Variants in SLC26A3 observed in about 807,000 individuals in gnomAD.
SLC26A3 encodes chloride anion exchanger.
SLC26A3 carries 64 observed loss-of-function variants against 85.6 expected under a neutral mutation model. That is an observed-to-expected ratio of 0.75 (90% CI 0.61 to 0.92). The LOEUF is 0.92. Among genes scored for constraint, SLC26A3 ranks in the 40% least tolerant of loss-of-function variants. SLC26A3 has a pLI of 0.00. For missense variants in SLC26A3, 922 were observed against 927.3 expected (o/e 0.99, Z 0.07); for synonymous variants, 349 against 336.0 (o/e 1.04, Z -0.42).
Position 107,778,198 on chromosome 7 carries a change from T to A in SLC26A3, c.1491A>T (p.Leu497=). Residue 497 remains leucine (L), a synonymous_variant, in exon 13 of 21, where the codon CTA becomes CTT. Coordinates refer to ENST00000340010, the MANE Select transcript of SLC26A3 (RefSeq NM_000111.3). Reference sequence around the variant, plus strand: ...ACAATTGGGTCCTGAACACGATGGTTAGCAGTTGAAATGCCACACTAGCTG... The same window carrying A: ...ACAATTGGGTCCTGAACACGATGGTAAGCAGTTGAAATGCCACACTAGCTG... The part of the protein sequence containing the change: ...GLAASVAFQL[L]TIVFRTQFPK... 1 of 1,613,616 alleles carries A rather than the reference T, an allele frequency of 6.2e-7. No homozygotes were observed. The highest frequency in any genetic ancestry group is 8.5e-7 in the Non-Finnish European group (1 of 1,179,618).
intron 1 of SLC26A3, among the ~76,000 whole-genome samples, chr7:107,797,127 A>G (rs4730261): frequency 0.51 from 77,581 of 152,002 alleles, 20,657 homozygotes; most frequent in African/African-American, 0.65. Flanking sequence ...CTGTCCTGCC[A>G]GTAAAAGCCT....
At chr7:107,795,377 C>G (rs937299881) in intron 1 of SLC26A3, among the ~76,000 whole-genome samples, 1 of 152,136 alleles carries the variant, frequency 6.6e-6, no homozygotes, top group Non-Finnish European at 1.5e-5. Context: ...ATTTTTTACA[C>G]AAAATGTTTA....
At position 107,797,739 on chromosome 7, in the gene SLC26A3, C is replaced by CATTTTTTTTTTTTTTTTTTTT. The variant is rs781396459; in HGVS notation, c.-88-3143_-88-3142insAAAAAAAAAAAAAAAAAAAAT. ...TCATTTCTGAGATTCTTGAGCAGGA[C>CATTTTTTTTTTTTTTTTTTTT]CTTTTTTTTTTGAGACGGAGTCTTG... On this transcript the variant is annotated intron_variant, in intron 1 of 20. Transcript: ENST00000340010. Among the ~76,000 whole-genome samples the CATTTTTTTTTTTTTTTTTTTT allele has an allele frequency of 2.8e-4, 20 of 70,514 alleles. 1 individual carries two copies. The highest frequency in any genetic ancestry group is 1.4e-3 in the African/African-American group (17 of 12,000). 46.3% of individuals were successfully genotyped at this position (70,514 alleles called of 152,430 possible).
chr7:107,788,488 T>A (rs1032348869), intron 6 of SLC26A3, among the ~76,000 whole-genome samples: 1 of 152,156 alleles, frequency 6.6e-6, no homozygotes, highest in African/African-American at 2.4e-5. Flanking sequence ...TCTAAAAGAA[T>A]GAGACATGCT....
chr7:107,769,201 A>G (rs1188741388), intron 18 of SLC26A3, among the ~76,000 whole-genome samples: 1 of 152,162 alleles, frequency 6.6e-6, no homozygotes, highest in Non-Finnish European at 1.5e-5. Context: ...CAAAAATACC[A>G]TTTGACCCAG....
intron 20 of SLC26A3, among the ~76,000 whole-genome samples, chr7:107,767,164 T>C (rs927487301): frequency 6.6e-6 from 1 of 152,140 alleles, no homozygotes; most frequent in African/African-American, 2.4e-5. Context: ...GGCACTGTGC[T>C]AGGGACTTCT....
intron 1 of SLC26A3, among the ~76,000 whole-genome samples, chr7:107,796,872 C>T (rs1794511464): frequency 6.6e-6 from 1 of 151,868 alleles, no homozygotes; most frequent in African/African-American, 2.4e-5. Context: ...TCTTTGCTTG[C>T]TTTACTCATG....
chr7:107,791,726 C>T (rs1794405705), intron 4 of SLC26A3, 104 bp downstream of exon 4: 1 of 792,542 alleles, frequency 1.3e-6, no homozygotes, highest in Non-Finnish European at 2.2e-6. Flanking sequence ...GACCATGACT[C>T]TTCTCCTGGA....
chr7:107,773,802 C>T (rs578023199), intron 17 of SLC26A3, 118 bp downstream of exon 17: 17 of 838,704 alleles, frequency 2.0e-5, no homozygotes, highest in African/African-American at 1.0e-4. Flanking sequence ...CCACCCACCT[C>T]GGCCTCCCAA....
rs750975910 is a variant in SLC26A3, at chr7:107,767,795, A to T, written c.2176T>A (p.Tyr726Asn). The change falls in exon 19 of 21, where the codon TAC becomes AAC. Residue 726 changes from tyrosine (Y) to asparagine (N), a missense_variant. Physicochemically the swap from Tyr to Asn is moderately radical, Grantham distance 143 (BLOSUM62 -2). Coordinates refer to ENST00000340010, the MANE Select transcript of SLC26A3 (RefSeq NM_000111.3). ...AVLHILMKKD[Y>N]STSKFNPSQE... ...CTGGGATTAAACTTTGAAGTACTGT[A>T]ATCTTTCTTCATCAAAATATGCAAA... 5.6e-6 allele frequency: 9 copies of T among 1,613,898 alleles called. No individual in the cohort carries two copies. In the Admixed American group the frequency reaches 1.3e-4, roughly 24 times the overall value.
At chr7:107,790,101 G>A (rs1332347218) in intron 5 of SLC26A3, among the ~76,000 whole-genome samples, 5 of 152,236 alleles carry the variant, frequency 3.3e-5, no homozygotes, top group East Asian at 1.9e-4. Context: ...ACGCATGAGC[G>A]AGTGTCTATC....
intron 1 of SLC26A3, among the ~76,000 whole-genome samples, chr7:107,797,715 C>A (rs1046985944): frequency 7.0e-6 from 1 of 142,276 alleles, no homozygotes; most frequent in Non-Finnish European, 1.5e-5. Flanking sequence ...TCCATGTCAT[C>A]ATTTCTGAGA....
intron 13 of SLC26A3, among the ~76,000 whole-genome samples, chr7:107,777,134 G>A (rs1051554782): frequency 6.6e-6 from 1 of 152,118 alleles, no homozygotes; most frequent in Non-Finnish European, 1.5e-5. Flanking sequence ...GAAAGAGTTC[G>A]GGAGTATTTC....
intron 5 of SLC26A3, among the ~76,000 whole-genome samples, chr7:107,790,480 T>C (rs544916426): frequency 1.3e-5 from 2 of 152,318 alleles, no homozygotes; most frequent in South Asian, 4.1e-4. Context: ...TCATTATCCA[T>C]AAACTTAGGC....
intron 15 of SLC26A3, 125 bp downstream of exon 15, chr7:107,776,327 A>G: frequency 1.2e-6 from 1 of 815,946 alleles, no homozygotes; most frequent in South Asian, 1.4e-5. Flanking sequence ...GACAAAAAAT[A>G]CTGACACAAC....
At chr7:107,798,081 T>A (rs1160796119) in intron 1 of SLC26A3, among the ~76,000 whole-genome samples, 2 of 152,126 alleles carry the variant, frequency 1.3e-5, no homozygotes, top group Non-Finnish European at 2.9e-5. Context: ...CTTGTTTGTA[T>A]ATATTTCCAC....
At position 107,794,505 on chromosome 7, in the gene SLC26A3, A is replaced by G; in HGVS notation, c.5T>C (p.Ile2Thr). 1 of 1,614,004 alleles carries G rather than the reference A, an allele frequency of 6.2e-7. No homozygotes were observed. Residue 2 changes from isoleucine (I) to threonine (T), a missense_variant, in exon 2 of 21, where the codon ATT (isoleucine) becomes ACT (threonine). Ile to Thr is a moderately conservative substitution (Grantham distance 89). Coordinates refer to ENST00000340010, the MANE Select transcript of SLC26A3 (RefSeq NM_000111.3). Reference protein sequence around the residue: MIEPFGNQYIVA... With the variant: MTEPFGNQYIVA... ...AATATACTGATTCCCAAAGGGTTCA[A>G]TCATTTTGATTTTTCTGTTGGCTGT...
intron 17 of SLC26A3, 110 bp downstream of exon 17, chr7:107,773,810 C>A: frequency 3.2e-6 from 3 of 946,214 alleles, no homozygotes; most frequent in East Asian, 5.3e-5. Context: ...CTCGGCCTCC[C>A]AAAGTGCTGG....
intron 18 of SLC26A3, among the ~76,000 whole-genome samples, chr7:107,770,020 TTCTTTCTTTCTTTCTTTCTTTCTTTC>T (rs1345314312): frequency 2.5e-5 from 1 of 39,516 alleles, no homozygotes; most frequent in African/African-American, 2.1e-4. Flanking sequence ...CTTTCTTTCT[TTCTTTCTTTCTTTCTTTCTTTCTTTC>T]TTTCTCTTTT....
Sources: allele counts gnomAD v4.1 joint callset (sites outside exome capture counted in the v4.1 genomes callset), GRCh38; gene constraint gnomAD v4.1.1; transcripts MANE v1.5; gene names NCBI Gene and HGNC (gene_info 2026-07-23, HGNC 2026-07-21).